Variants in ERC1 observed in about 807,000 individuals in gnomAD.
ERC1 encodes the protein RAB6 interacting protein 2.
ERC1 carries 56 observed loss-of-function variants against 132.0 expected under a neutral mutation model. The observed-to-expected ratio is 0.42, with a 90% CI of 0.34 to 0.53. ERC1 has a LOEUF of 0.53. ERC1 is among the 20% of genes least tolerant of loss of function. The pLI, the probability that ERC1 is intolerant of heterozygous loss-of-function variation, is 0.03. For missense variants in ERC1, 1,202 were observed against 1,349.9 expected (o/e 0.89, Z 1.72); for synonymous variants, 478 against 476.1 (o/e 1.00, Z -0.05).
At position 1,012,121 on chromosome 12, in the gene ERC1, A is replaced by G. The variant is rs531311866; in HGVS notation, c.-156-15627A>G. Among the ~76,000 whole-genome samples, 23 of 152,282 alleles carry G rather than the reference A, an allele frequency of 1.5e-4. 1 individual carries two copies. The South Asian group carries it at 4.8e-3, about 32-fold the overall frequency. ...TGTATCTTTATAAACTTTTCTCTAC[A>G]TTTTGGATCATTTGAGTAGATTGGT... On this transcript the variant is annotated intron_variant, in intron 1 of 18. Coordinates refer to ENST00000360905, the MANE Select transcript of ERC1 (RefSeq NM_178040.4).
intron 16 of ERC1, among the ~76,000 whole-genome samples, chr12:1,378,036 ATT>A (rs527360462): frequency 2.5e-4 from 38 of 152,260 alleles, no homozygotes; most frequent in Admixed American, 5.9e-4. Flanking sequence ...AACTCAAATC[ATT>A]TTACTGGTTT....
intron 2 of ERC1, among the ~76,000 whole-genome samples, chr12:1,066,437 G>T (rs1242725695): frequency 6.6e-6 from 1 of 152,188 alleles, no homozygotes; most frequent in African/African-American, 2.4e-5. Flanking sequence ...TTTAATCAGG[G>T]ACTGGACGGT....
rs1444448480 is a variant in ERC1, at chr12:1,487,569, A to G, written c.3214-2524A>G. Among the ~76,000 whole-genome samples, 4 of 145,894 alleles carry G rather than the reference A, an allele frequency of 2.7e-5. No individual in the cohort carries two copies. In the East Asian group the frequency reaches 7.9e-4, roughly 29 times the overall value. ...AAGAAAAAGAAAAGAGAAATACAAA[A>G]ATTAGCCAGGCATGGTGGTACACAT... On this transcript the variant is annotated intron_variant, in intron 18 of 18. Coordinates refer to ENST00000360905, the MANE Select transcript of ERC1 (RefSeq NM_178040.4).
At chr12:1,184,197 A>G (rs1390389817) in intron 11 of ERC1, among the ~76,000 whole-genome samples, 2 of 151,792 alleles carry the variant, frequency 1.3e-5, no homozygotes, top group Non-Finnish European at 2.9e-5. Context: ...AATTTAACAT[A>G]TGTAGTAAGG....
intron 16 of ERC1, chr12:1,386,755 G>A (rs1027668317): frequency 6.6e-6 from 1 of 151,662 alleles, no homozygotes; most frequent in African/African-American, 2.4e-5. Flanking sequence ...GCAGATGATT[G>A]CCGACACCCC....
At chr12:1,199,511 C>T (rs1956699378) in intron 12 of ERC1, among the ~76,000 whole-genome samples, 1 of 152,132 alleles carries the variant, frequency 6.6e-6, no homozygotes, top group African/African-American at 2.4e-5. Flanking sequence ...TGGTTCACGC[C>T]TGTAATCCCA....
At chr12:1,289,430 T>C (rs929602429) in intron 14 of ERC1, among the ~76,000 whole-genome samples, 2 of 152,046 alleles carry the variant, frequency 1.3e-5, no homozygotes, top group Admixed American at 1.3e-4. Context: ...TTCGTCTATG[T>C]ATACAGGAAA....
intron 3 of ERC1, among the ~76,000 whole-genome samples, chr12:1,093,866 T>C (rs890093823): frequency 2.1e-5 from 3 of 144,660 alleles, no homozygotes; most frequent in Non-Finnish European, 4.5e-5. Flanking sequence ...AAAAGAAACA[T>C]ATATATATGT....
chr12:1,379,228 C>CT (rs2088320070), intron 16 of ERC1, among the ~76,000 whole-genome samples: 1 of 152,224 alleles, frequency 6.6e-6, no homozygotes, highest in Non-Finnish European at 1.5e-5. Context: ...ACCTTCAGCA[C>CT]TTTAACTGGA....
intron 8 of ERC1, among the ~76,000 whole-genome samples, chr12:1,166,287 T>C (rs1952423301): frequency 6.6e-6 from 1 of 152,202 alleles, no homozygotes; most frequent in African/African-American, 2.4e-5. Flanking sequence ...CTGATGGTTT[T>C]ATAAAGAGAA....
At position 1,481,048 on chromosome 12, in the gene ERC1, TA is replaced by T. The variant is rs529899660; in HGVS notation, c.3214-9042del. The T allele has an allele frequency of 4.6e-4, 265 of 579,448 alleles. 4 individuals carry two copies. The South Asian group carries it at 5.6e-3, about 12-fold the overall frequency. 35.9% of individuals were successfully genotyped at this position (579,448 alleles called of 1,614,324 possible). On this transcript the variant is annotated intron_variant, in intron 18 of 18. Transcript: ENST00000360905. ...TATACCTGAGATAAAGTCTAGTTTA[TA>T]AATTAGGCACAGTAAGAGATTAATA...
At chr12:1,076,286 C>G (rs1381230610) in intron 2 of ERC1, among the ~76,000 whole-genome samples, 1 of 151,884 alleles carries the variant, frequency 6.6e-6, no homozygotes, top group African/African-American at 2.4e-5. Context: ...TTGAATAAAC[C>G]TAGAGCATAT....
At chr12:1,060,805 A>C (rs1357453388) in intron 2 of ERC1, among the ~76,000 whole-genome samples, 2 of 150,578 alleles carry the variant, frequency 1.3e-5, no homozygotes, top group Non-Finnish European at 3.0e-5. Flanking sequence ...GGCTCACTGC[A>C]AGCTCTGCCT....
intron 13 of ERC1, among the ~76,000 whole-genome samples, chr12:1,249,358 T>C (rs914453197): frequency 1.3e-5 from 2 of 152,186 alleles, no homozygotes; most frequent in African/African-American, 4.8e-5. Context: ...TGTTGGTGAA[T>C]TGGGGATTAA....
intron 2 of ERC1, among the ~76,000 whole-genome samples, chr12:1,054,884 AT>A (rs1342283088): frequency 6.6e-6 from 1 of 152,152 alleles, no homozygotes; most frequent in Admixed American, 6.6e-5. Context: ...ACCGTGTGTG[AT>A]TTTATAAACA....
intron 15 of ERC1, among the ~76,000 whole-genome samples, chr12:1,296,164 A>C (rs2079917198): frequency 6.6e-6 from 1 of 152,046 alleles, no homozygotes; most frequent in Non-Finnish European, 1.5e-5. Context: ...GTCTCTACAA[A>C]AATGTTTTTA....
intron 1 of ERC1, among the ~76,000 whole-genome samples, chr12:1,025,074 G>T (rs1191565421): frequency 2.0e-5 from 3 of 151,960 alleles, no homozygotes; most frequent in Non-Finnish European, 4.4e-5. Flanking sequence ...TTGTTGTCTG[G>T]GGCAGTCTTG....
At chr12:1,012,983 A>G (rs1964945638) in intron 1 of ERC1, among the ~76,000 whole-genome samples, 2 of 152,166 alleles carry the variant, frequency 1.3e-5, no homozygotes, top group African/African-American at 4.8e-5. Flanking sequence ...TTGGATTTTT[A>G]GACATTTTTG....
chr12:1,015,421 G>C (rs1391404138), intron 1 of ERC1, among the ~76,000 whole-genome samples: 4 of 151,990 alleles, frequency 2.6e-5, no homozygotes, highest in African/African-American at 9.7e-5. Flanking sequence ...TTAAACAGCA[G>C]CATTGTCTTT....
Sources: allele counts gnomAD v4.1 joint callset (sites outside exome capture counted in the v4.1 genomes callset), GRCh38; gene constraint gnomAD v4.1.1; transcripts MANE v1.5; gene names NCBI Gene and HGNC (gene_info 2026-07-23, HGNC 2026-07-21).